TP63: variants seen among roughly 807,000 people sequenced by gnomAD.
The protein encoded by TP63 is tumor protein p63.
Under a neutral mutation model 82.8 loss-of-function variants are expected in TP63, and 17 were observed. That is an observed-to-expected ratio of 0.21 (90% CI 0.14 to 0.31). The LOEUF (loss-of-function observed/expected upper bound fraction) is 0.31. Ranked by LOEUF, TP63 falls within the 10% of genes least tolerant of loss-of-function variation. TP63 has a pLI of 1.00. For synonymous variants in TP63, 330 were observed against 321.7 expected (o/e 1.03, Z -0.28); for missense variants, 648 against 895.3 (o/e 0.72, Z 3.52).
chr3:189,772,292 A>G (rs1011365993), intron 3 of TP63, among the ~76,000 whole-genome samples: 2 of 152,228 alleles, frequency 1.3e-5, no homozygotes, highest in East Asian at 1.9e-4. Context: ...GCTCTTTACC[A>G]ATAAGGACAC....
Position 189,896,004 on chromosome 3 carries a change from G to A in TP63, c.*1502G>A, listed in dbSNP as rs1206814242. On this transcript the variant is annotated 3_prime_UTR_variant, in exon 14 of 14. Coordinates refer to ENST00000264731, the MANE Select transcript of TP63 (RefSeq NM_003722.5). ...AAGAGATAAGTCTTTCATGGCTGCT[G>A]TTGCTTAAACCACTTAAACGAAGAG... is the stretch of plus-strand genomic sequence containing the variant. 1 of 229,480 alleles carries A rather than the reference G, an allele frequency of 4.4e-6. No individual in the cohort carries two copies. Among genetic ancestry groups the A allele is most frequent in the Non-Finnish European group, 8.6e-6 (1 of 115,634 alleles). The allele number at this position is 229,480 out of a possible 1,614,324, so 14.2% of individuals were successfully genotyped here.
chr3:189,603,666 AAAAAAAAAAAG>A, the TP63 span, among the ~76,000 whole-genome samples: 1 of 131,034 alleles, frequency 7.6e-6, no homozygotes, highest in Non-Finnish European at 1.7e-5. Context: ...AAAAAAAAAA[AAAAAAAAAAAG>A]AAGCACAGTC....
chr3:189,655,552 G>T (rs1254593038), intron 1 of TP63, among the ~76,000 whole-genome samples: 1 of 152,154 alleles, frequency 6.6e-6, no homozygotes, highest in East Asian at 1.9e-4. Context: ...AACCCAGGAG[G>T]TGGAGGTTGC....
chr3:189,807,650 C>T (rs750552664), intron 3 of TP63, among the ~76,000 whole-genome samples: 1 of 152,148 alleles, frequency 6.6e-6, no homozygotes, highest in Non-Finnish European at 1.5e-5. Context: ...TAGCATGTTA[C>T]TTTTTAAAAT....
chr3:189,842,292 C>T (rs1714244042), intron 4 of TP63, among the ~76,000 whole-genome samples: 1 of 152,040 alleles, frequency 6.6e-6, no homozygotes, highest in East Asian at 1.9e-4. Flanking sequence ...GCCCACCAAC[C>T]CTGTCCCCCA....
At chr3:189,753,074 T>C (rs1037994005) in intron 3 of TP63, among the ~76,000 whole-genome samples, 1 of 152,162 alleles carries the variant, frequency 6.6e-6, no homozygotes, top group Non-Finnish European at 1.5e-5. Context: ...ATTGTTTATC[T>C]TGATGACTGT....
chr3:189,653,802 T>G (rs960684968), intron 1 of TP63, among the ~76,000 whole-genome samples: 2 of 152,198 alleles, frequency 1.3e-5, no homozygotes, highest in Non-Finnish European at 2.9e-5. Flanking sequence ...CAAACCATAT[T>G]TAACTTATAA....
intron 3 of TP63, among the ~76,000 whole-genome samples, chr3:189,800,090 G>A (rs530891306): frequency 1.3e-5 from 2 of 152,164 alleles, no homozygotes; most frequent in Admixed American, 6.6e-5. Context: ...ATGAAAATGT[G>A]GAACAAAAGA....
chr3:189,893,244 C>T (rs1471405361), intron 13 of TP63, among the ~76,000 whole-genome samples: 1 of 152,166 alleles, frequency 6.6e-6, no homozygotes, highest in Non-Finnish European at 1.5e-5. Flanking sequence ...TCTATAGCAT[C>T]TTTTGCCCTA....
At chr3:189,683,032 C>A (rs1307060686) in intron 1 of TP63, among the ~76,000 whole-genome samples, 1 of 152,174 alleles carries the variant, frequency 6.6e-6, no homozygotes, top group Non-Finnish European at 1.5e-5. Context: ...TTTATTATTT[C>A]CATTATACAG....
chr3:189,894,203 C>T lies in TP63; in HGVS notation c.1747-3C>T, dbSNP rs1721292104. On this transcript the variant is annotated splice_region_variant and splice_polypyrimidine_tract_variant and intron_variant, in intron 13 of 13. Transcript: ENST00000264731. Reference sequence around the variant, plus strand: ...CTCCATGACACCTTCCCCTGTTGCACAGGATCTGGCAAGTCTGAAAATCCC... The same window carrying T: ...CTCCATGACACCTTCCCCTGTTGCATAGGATCTGGCAAGTCTGAAAATCCC... 2 of 1,614,010 alleles carry T rather than the reference C, an allele frequency of 1.2e-6. No homozygotes were observed. Among genetic ancestry groups the T allele is most frequent in the Admixed American group, 1.7e-5 (1 of 60,008 alleles).
intron 1 of TP63, among the ~76,000 whole-genome samples, chr3:189,674,618 T>C (rs989401531): frequency 6.6e-6 from 1 of 152,216 alleles, no homozygotes; most frequent in African/African-American, 2.4e-5. Flanking sequence ...GCTCCATGAA[T>C]TGAAAATTAC....
chr3:189,732,455 C>A (rs1720242209), intron 1 of TP63, among the ~76,000 whole-genome samples: 1 of 152,144 alleles, frequency 6.6e-6, no homozygotes, highest in Non-Finnish European at 1.5e-5. Flanking sequence ...TTTTATGTGA[C>A]ACTTTAAAAA....
intron 3 of TP63, among the ~76,000 whole-genome samples, chr3:189,748,819 T>C (rs1721579973): frequency 6.6e-6 from 1 of 152,056 alleles, no homozygotes; most frequent in African/African-American, 2.4e-5. Context: ...GAGCATGATA[T>C]TGGTATAAAA....
rs1416553055 is a variant in TP63 at position 189,897,038 on chromosome 3, TA to T, written c.*2537del. The T allele has an allele frequency of 1.3e-5, 3 of 225,678 alleles. No homozygotes were observed. The highest frequency in any genetic ancestry group is 6.4e-5 in the East Asian group (1 of 15,518). The allele number at this position is 225,678 out of a possible 1,614,324, so 14.0% of individuals were successfully genotyped here. On this transcript the variant is annotated 3_prime_UTR_variant, in exon 14 of 14. Coordinates refer to ENST00000264731, the MANE Select transcript of TP63 (RefSeq NM_003722.5). ...TGTGGGATATTGAATGTTAAAGGGA[TA>T]TTTTTTTCTATTATTTTTATAATTG...
At chr3:189,609,065 C>T in the TP63 span, among the ~76,000 whole-genome samples, 1 of 152,106 alleles carries the variant, frequency 6.6e-6, no homozygotes, top group African/African-American at 2.4e-5. Context: ...ACTGATTGTA[C>T]CATTGTGTTC....
chr3:189,855,917 G>C (rs1016804581), intron 4 of TP63, among the ~76,000 whole-genome samples: 1 of 151,900 alleles, frequency 6.6e-6, no homozygotes, highest in Non-Finnish European at 1.5e-5. Flanking sequence ...TTTCTGTAAC[G>C]GCTTCTCATA....
chr3:189,889,238 A>G (rs1577202724), intron 11 of TP63, 102 bp from the exon 12 acceptor site: 1 of 1,526,070 alleles, frequency 6.6e-7, no homozygotes. Flanking sequence ...GAAGGCTGGT[A>G]GTTTAGGCCC....
intron 4 of TP63, among the ~76,000 whole-genome samples, chr3:189,840,359 CTTTT>C: frequency 2.9e-4 from 13 of 44,446 alleles, no homozygotes; most frequent in Admixed American, 2.1e-3. Flanking sequence ...TGCTTTTCGT[CTTTT>C]TTTTTTTTTT....
Sources: allele counts gnomAD v4.1 joint callset (sites outside exome capture counted in the v4.1 genomes callset), GRCh38; gene constraint gnomAD v4.1.1; transcripts MANE v1.5; gene names NCBI Gene and HGNC (gene_info 2026-07-23, HGNC 2026-07-21).